Variants in ZNF627 observed in about 807,000 individuals in gnomAD.
ZNF627 encodes the protein zinc finger protein 627.
Under a neutral mutation model 10.6 loss-of-function variants are expected in ZNF627, and 12 were observed. The ratio of observed to expected loss-of-function variants is 1.13; its 90% CI spans 0.73 to 1.84. ZNF627 has a LOEUF of 1.84. Among genes scored for constraint, ZNF627 ranks in the 40% most tolerant of loss-of-function variants. The probability of loss-of-function intolerance (pLI) is 0.00; values close to 1 mark genes in which losing one functional copy is unlikely to be tolerated. For synonymous variants in ZNF627, 176 were observed against 187.1 expected (o/e 0.94, Z 0.48); for missense variants, 504 against 568.4 (o/e 0.89, Z 1.15).
rs1257021180 is a variant in ZNF627 at position 11,614,845 on chromosome 19, A to G, written c.149A>G (p.Gln50Arg). 6.2e-7 allele frequency: 1 copy of G among 1,607,304 alleles called. No individual in the cohort carries two copies. Among genetic ancestry groups the G allele is most frequent in the East Asian group, 2.2e-5 (1 of 44,848 alleles). ...LASVGKQWED[Q>R]NIEDPFKIPR... ...ATTTTAGGAAAACAATGGGAAGACC[A>G]GAACATTGAAGACCCATTCAAAATT... The change falls in exon 3 of 4, where the codon CAG becomes CGG. Residue 50 changes from glutamine (Q) to arginine (R), a missense_variant. By Grantham distance (43) the Gln-to-Arg change is conservative (BLOSUM62 1). Transcript: ENST00000361113.
At chr19:11,599,439 G>A (rs753034793) in intron 1 of ZNF627, among the ~76,000 whole-genome samples, 34 of 152,194 alleles carry the variant, frequency 2.2e-4, no homozygotes, top group Non-Finnish European at 4.6e-4. Context: ...CTGGTGAAGT[G>A]AGAAAACTTA....
At chr19:11,603,553 T>C (rs1973624546) in intron 1 of ZNF627, among the ~76,000 whole-genome samples, 1 of 151,404 alleles carries the variant, frequency 6.6e-6, no homozygotes, top group African/African-American at 2.4e-5. Flanking sequence ...TCCCAAAGTG[T>C]TGGGATTATA....
chr19:11,603,494 C>T (rs1049845430), intron 1 of ZNF627, among the ~76,000 whole-genome samples: 3 of 151,266 alleles, frequency 2.0e-5, no homozygotes, highest in South Asian at 2.1e-4. Flanking sequence ...GCCATGCTGT[C>T]TAAGCTGGTC....
intron 1 of ZNF627, among the ~76,000 whole-genome samples, chr19:11,607,415 A>G (rs542212281): frequency 6.6e-6 from 1 of 152,164 alleles, no homozygotes; most frequent in South Asian, 2.1e-4. Context: ...GATTACAGGC[A>G]TGAGCCACCA....
Position 11,618,308 on chromosome 19 carries a change from A to C in ZNF627, c.*419A>C, listed in dbSNP as rs1452711474. On this transcript the variant is annotated 3_prime_UTR_variant, in exon 4 of 4. Transcript: ENST00000361113. ...TTCCTGCTTCTTTGGGTTGCCAATC[A>C]AGAGTATCCTCAAAACGACTTGACT... 2 of 162,278 alleles carry C rather than the reference A, an allele frequency of 1.2e-5. No homozygotes were observed. The highest frequency in any genetic ancestry group is 4.8e-5 in the African/African-American group (2 of 41,804). The allele number at this position is 162,278 out of a possible 1,614,324, so 10.1% of individuals were successfully genotyped here. A position where few individuals can be genotyped will look rare whatever the true frequency, so the allele number is the denominator to read the frequency against.
chr19:11,612,082 G>T (rs1389860379), intron 1 of ZNF627, among the ~76,000 whole-genome samples: 1 of 136,128 alleles, frequency 7.3e-6, no homozygotes, highest in Middle Eastern at 3.7e-3. Flanking sequence ...GATCCATTTT[G>T]ATTTCATTTT....
intron 1 of ZNF627, among the ~76,000 whole-genome samples, chr19:11,613,986 A>G (rs962258442): frequency 1.3e-4 from 18 of 141,010 alleles, no homozygotes; most frequent in African/African-American, 4.6e-4. Context: ...CAGTGGTGCA[A>G]TCTCAGCTCA....
Position 11,616,918 on chromosome 19 carries a change from T to C in ZNF627, c.415T>C (p.Tyr139His), listed in dbSNP as rs372994663. 34 of 1,614,030 alleles carry C rather than the reference T, an allele frequency of 2.1e-5. No individual in the cohort carries two copies. The highest frequency in any genetic ancestry group is 2.8e-5 in the Non-Finnish European group (33 of 1,180,034). Residue 139 changes from tyrosine (Y) to histidine (H), a missense_variant, in exon 4 of 4, where the codon TAT becomes CAT. Physicochemically the swap from Tyr to His is moderately conservative, Grantham distance 83. Coordinates refer to ENST00000361113, the MANE Select transcript of ZNF627 (RefSeq NM_145295.4). ...ATATCAGGAATATGGAAAGAAGTCA[T>C]ATACACGTAACCAGTGTGGACGAGC... ...NEYQEYGKKS[Y>H]TRNQCGRALS...
chr19:11,612,840 T>C (rs553321524), intron 1 of ZNF627, among the ~76,000 whole-genome samples: 8 of 151,834 alleles, frequency 5.3e-5, no homozygotes, highest in Admixed American at 1.3e-4. Flanking sequence ...AATTGCGTGT[T>C]ACTGGGGGTT....
intron 1 of ZNF627, among the ~76,000 whole-genome samples, chr19:11,598,605 G>A (rs537147415): frequency 2.0e-5 from 3 of 152,082 alleles, no homozygotes; most frequent in Non-Finnish European, 2.9e-5. Context: ...CTCCTCTGGC[G>A]CTTGCAAATA....
At chr19:11,612,422 C>CTTTTTT in intron 1 of ZNF627, among the ~76,000 whole-genome samples, 1 of 98,772 alleles carries the variant, frequency 1.0e-5, no homozygotes, top group Non-Finnish European at 2.0e-5. Flanking sequence ...GCCCGGCCTG[C>CTTTTTT]TTTTTTTTTT....
intron 1 of ZNF627, among the ~76,000 whole-genome samples, chr19:11,600,392 A>T (rs1438136955): frequency 6.6e-6 from 1 of 152,062 alleles, no homozygotes; most frequent in Non-Finnish European, 1.5e-5. Flanking sequence ...GTGATCCATG[A>T]TTGCGCCACT....
At chr19:11,604,549 C>T (rs1396102186) in intron 1 of ZNF627, among the ~76,000 whole-genome samples, 1 of 152,180 alleles carries the variant, frequency 6.6e-6, no homozygotes, top group Non-Finnish European at 1.5e-5. Flanking sequence ...CACCCTCCCC[C>T]TCCATGGATT....
intron 1 of ZNF627, among the ~76,000 whole-genome samples, chr19:11,602,088 A>G (rs151196611): frequency 1.1e-4 from 17 of 151,642 alleles, no homozygotes; most frequent in Middle Eastern, 3.5e-3. Context: ...GGAGGAGCAA[A>G]TGATGAGAAA....
rs375968923 is a variant in ZNF627 at position 11,617,406 on chromosome 19, C to T, written c.903C>T (p.His301=). The stretch of plus-strand genomic sequence containing the variant: ...CTGTTCGAAGTCACGAGAGGACTCA[C>T]ACCGGAGAGAAACTTTTTGAATGTA... ...ASSVRSHERT[H]TGEKLFECKE... Residue 301 remains histidine, a synonymous_variant, in exon 4 of 4, where the codon CAC becomes CAT. Transcript: ENST00000361113. 2.4e-5 allele frequency: 38 copies of T among 1,613,904 alleles called. No homozygotes were observed. The highest frequency in any genetic ancestry group is 3.1e-5 in the Non-Finnish European group (36 of 1,180,042).
Position 11,614,839 on chromosome 19 carries a change from A to G in ZNF627, c.143A>G (p.Glu48Gly). 2 of 1,605,974 alleles carry G rather than the reference A, an allele frequency of 1.2e-6. No individual in the cohort carries two copies. The highest frequency in any genetic ancestry group is 1.7e-6 in the Non-Finnish European group (2 of 1,177,746). The change falls in exon 3 of 4, where the codon GAA (glutamate) becomes GGA (glycine). Residue 48 changes from glutamate (E) to glycine (G), a missense_variant. Physicochemically the swap from Glu to Gly is moderately conservative, Grantham distance 98. Transcript: ENST00000361113. ...RNLASVGKQW[E>G]DQNIEDPFKI... ...GTCTAAATTTTAGGAAAACAATGGG[A>G]AGACCAGAACATTGAAGACCCATTC... is the stretch of plus-strand genomic sequence containing the variant.
intron 1 of ZNF627, among the ~76,000 whole-genome samples, chr19:11,609,471 T>TTATTA (rs1973729371): frequency 1.9e-5 from 1 of 54,016 alleles, no homozygotes; most frequent in Non-Finnish European, 5.1e-5. Flanking sequence ...TTAAAAAATT[T>TTATTA]TATATATATA....
At position 11,616,981 on chromosome 19, in the gene ZNF627, A is replaced by G. The variant is rs375753820; in HGVS notation, c.478A>G (p.Thr160Ala). The G allele has an allele frequency of 3.1e-6, 5 of 1,614,040 alleles. No individual in the cohort carries two copies. The highest frequency in any genetic ancestry group is 4.2e-6 in the Non-Finnish European group (5 of 1,180,046). The change falls in exon 4 of 4, where the codon ACT becomes GCT. Residue 160 changes from threonine to alanine, a missense_variant. By Grantham distance (58) the Thr-to-Ala change is moderately conservative. Transcript: ENST00000361113. ...TCGCTCTTTTCCAGTACGTGAAAGG[A>G]CTCATCCTGGAGGAAAGCCCTATGA... ...YHRSFPVRER[T>A]HPGGKPYDCK...
Position 11,616,837 on chromosome 19 carries a change from G to GAA in ZNF627, c.334_335insAA (p.Gly112GlufsTer38), listed in dbSNP as rs753129463. ...CAGTGTGTGTGGAGAAGTTGGCATGGGTCCTTCATCACTTAATAGGCACAT... is the reference window on the plus strand; with the variant it reads ...CAGTGTGTGTGGAGAAGTTGGCATGGAAGTCCTTCATCACTTAATAGGCACAT... On this transcript the variant is annotated frameshift_variant, in exon 4 of 4. Coordinates refer to ENST00000361113, the MANE Select transcript of ZNF627 (RefSeq NM_145295.4). LOFTEE classifies it low-confidence loss of function (END_TRUNC). 1 of 1,614,000 alleles carries GAA rather than the reference G, an allele frequency of 6.2e-7. No individual in the cohort carries two copies. Among genetic ancestry groups the GAA allele is most frequent in the Admixed American group, 1.7e-5 (1 of 60,016 alleles).
Sources: gnomAD v4.1 joint callset for allele counts (sites outside exome capture counted in the v4.1 genomes callset) on GRCh38, gnomAD v4.1.1 for gene constraint, MANE v1.5 for transcripts, NCBI Gene and HGNC (gene_info 2026-07-23, HGNC 2026-07-21) for gene names.